SMURF1: variants seen among roughly 807,000 people sequenced by gnomAD.
SMURF1 encodes E3 ubiquitin-protein ligase SMURF1.
SMURF1 carries 44 observed loss-of-function variants against 98.0 expected under a neutral mutation model. The ratio of observed to expected loss-of-function variants is 0.45; its 90% CI spans 0.35 to 0.58. The LOEUF is 0.58. SMURF1 is among the 20% of genes least tolerant of loss of function. The pLI, the probability that SMURF1 is intolerant of heterozygous loss-of-function variation, is 0.00. For synonymous variants in SMURF1, 396 were observed against 374.9 expected (o/e 1.06, Z -0.65); for missense variants, 687 against 938.4 (o/e 0.73, Z 3.50).
chr7:99,040,181 G>A (rs771337533), intron 13 of SMURF1, among the ~76,000 whole-genome samples, 197 bp downstream of exon 13: 2 of 152,150 alleles, frequency 1.3e-5, no homozygotes, highest in East Asian at 1.9e-4. Flanking sequence ...CCAGGCTGGT[G>A]TCGAACTCCT....
At chr7:99,121,225 C>CAAAAAAAAAAAAAAAAAAAAAAA (rs550195057) in intron 1 of SMURF1, 1 of 99,782 alleles carries the variant, frequency 1.0e-5, no homozygotes, top group Non-Finnish European at 2.0e-5. Context: ...AGAGTCAAAG[C>CAAAAAAAAAAAAAAAAAAAAAAA]AAAAAAAAAA....
intron 5 of SMURF1, among the ~76,000 whole-genome samples, chr7:99,055,714 C>A (rs553174588): frequency 5.2e-4 from 79 of 152,156 alleles, no homozygotes; most frequent in African/African-American, 1.4e-3. Flanking sequence ...CCTGTAATAC[C>A]AGCACTCTGG....
intron 1 of SMURF1, among the ~76,000 whole-genome samples, chr7:99,113,255 A>G (rs1193943233): frequency 2.0e-5 from 3 of 152,210 alleles, no homozygotes; most frequent in Non-Finnish European, 2.9e-5. Context: ...ACAAAGACAA[A>G]GAGAGAATCC....
intron 1 of SMURF1, among the ~76,000 whole-genome samples, chr7:99,082,115 C>G (rs1023244033): frequency 3.9e-5 from 6 of 152,208 alleles, no homozygotes; most frequent in Admixed American, 6.5e-5. Context: ...ATCCTTTACC[C>G]ATGTATTAAA....
At chr7:99,124,883 T>C (rs2150629945) in intron 1 of SMURF1, among the ~76,000 whole-genome samples, 1 of 152,310 alleles carries the variant, frequency 6.6e-6, no homozygotes, top group East Asian at 1.9e-4. Flanking sequence ...TTACAGACAC[T>C]TCTCACCTAC....
At chr7:99,068,115 C>G (rs911048204) in intron 1 of SMURF1, among the ~76,000 whole-genome samples, 9 of 152,148 alleles carry the variant, frequency 5.9e-5, no homozygotes, top group African/African-American at 1.9e-4. Context: ...TTATTCCTCT[C>G]TTCTTCTTAT....
intron 17 of SMURF1, among the ~76,000 whole-genome samples, chr7:99,032,113 A>G (rs754814650): frequency 5.3e-5 from 8 of 152,146 alleles, no homozygotes; most frequent in Non-Finnish European, 1.0e-4. Context: ...AAACTATACA[A>G]TTTTCCTTAC....
In SMURF1 at chr7:99,035,501, T is replaced by C. The variant is rs1256954242; in HGVS notation, c.2011+14A>G. The C allele has an allele frequency of 2.5e-6, 4 of 1,613,854 alleles. No homozygotes were observed. The Admixed American group carries it at 6.7e-5, about 27-fold the overall frequency. Reference sequence around the variant, plus strand: ...AGACGCGTCATCGAATAGCCCTGCCTCCACGTCAGTCACCTTGCAAAGCCT... The same window carrying C: ...AGACGCGTCATCGAATAGCCCTGCCCCCACGTCAGTCACCTTGCAAAGCCT... On this transcript the variant is annotated intron_variant, in intron 16 of 17. Transcript: ENST00000361368.
At chr7:99,066,144 C>T (rs1796187976) in intron 1 of SMURF1, among the ~76,000 whole-genome samples, 1 of 152,122 alleles carries the variant, frequency 6.6e-6, no homozygotes, top group Non-Finnish European at 1.5e-5. Flanking sequence ...CTTGTCCAAG[C>T]TCCCAACACA....
chr7:99,097,465 T>C (rs1796979388), intron 1 of SMURF1, among the ~76,000 whole-genome samples: 1 of 152,178 alleles, frequency 6.6e-6, no homozygotes, highest in Non-Finnish European at 1.5e-5. Flanking sequence ...CTCGCATGAA[T>C]GGATTGATGA....
At chr7:99,085,302 G>A (rs1365592163) in intron 1 of SMURF1, among the ~76,000 whole-genome samples, 6 of 144,880 alleles carry the variant, frequency 4.1e-5, no homozygotes, top group Admixed American at 7.2e-5. Context: ...GCAGTGAGTC[G>A]AGATCAAGCC....
intron 1 of SMURF1, among the ~76,000 whole-genome samples, chr7:99,102,166 T>A (rs1248743386): frequency 6.6e-6 from 1 of 152,138 alleles, no homozygotes; most frequent in East Asian, 1.9e-4. Flanking sequence ...TAAAATAGGA[T>A]CCTATACATA....
Position 99,119,841 on chromosome 7 carries a change from C to T in SMURF1, c.55+23885G>A, listed in dbSNP as rs1287445832. ...TAAAATACTCATGGTTATAGTCCAA[C>T]ACCCCATTTTCAACTCTTTTGTCTT... On this transcript the variant is annotated intron_variant, in intron 1 of 17. Coordinates refer to ENST00000361368, the MANE Select transcript of SMURF1 (RefSeq NM_181349.3). 5.3e-5 allele frequency among the ~76,000 whole-genome samples: 8 copies of T among 152,350 alleles called. No individual in the cohort carries two copies. In the East Asian group the frequency reaches 1.5e-3, roughly 29 times the overall value.
intron 1 of SMURF1, among the ~76,000 whole-genome samples, chr7:99,071,593 C>T (rs918018080): frequency 6.6e-6 from 1 of 152,156 alleles, no homozygotes. Flanking sequence ...GAAGACAGGT[C>T]GCACACAGGA....
At position 99,076,993 on chromosome 7, in the gene SMURF1, T is replaced by TA. The variant is rs932552076; in HGVS notation, c.56-15157dup. ...TTGTTCTAAAAAATAATGTCTATAA[T>TA]AAAAAAAAAAACAAAAAAGGTTACA... is the stretch of plus-strand genomic sequence containing the variant. On this transcript the variant is annotated intron_variant, in intron 1 of 17. Transcript: ENST00000361368. Among the ~76,000 whole-genome samples, 1,297 of 138,024 alleles carry TA rather than the reference T, an allele frequency of 9.4e-3. 12 individuals are homozygous for TA. The highest frequency in any genetic ancestry group is 0.031 in the African/African-American group (1,104 of 35,962). The allele number at this position is 138,024 out of a possible 152,430, so 90.5% of individuals were successfully genotyped here.
At chr7:99,135,396 G>C (rs1797966850) in intron 1 of SMURF1, among the ~76,000 whole-genome samples, 1 of 152,032 alleles carries the variant, frequency 6.6e-6, no homozygotes, top group Non-Finnish European at 1.5e-5. Context: ...TCTCTTCAAA[G>C]GAAATCAACA....
chr7:99,051,286 C>G (rs544478086), intron 8 of SMURF1, 71 bp downstream of exon 8: 2 of 1,184,324 alleles, frequency 1.7e-6, no homozygotes, highest in South Asian at 1.2e-5. Context: ...AGCAACACAT[C>G]TGGAAGGTAT....
chr7:99,127,944 T>C (rs1797782266), intron 1 of SMURF1, among the ~76,000 whole-genome samples: 1 of 152,224 alleles, frequency 6.6e-6, no homozygotes, highest in African/African-American at 2.4e-5. Context: ...ACTGTCTCCT[T>C]TTGAGAATAA....
chr7:99,100,584 T>A (rs1312809105), intron 1 of SMURF1, among the ~76,000 whole-genome samples: 1 of 151,944 alleles, frequency 6.6e-6, no homozygotes, highest in African/African-American at 2.4e-5. Context: ...AAAATAAAAA[T>A]AAAAATGCAG....
Sources: gnomAD v4.1 joint callset for allele counts (sites outside exome capture counted in the v4.1 genomes callset) on GRCh38, gnomAD v4.1.1 for gene constraint, MANE v1.5 for transcripts, NCBI Gene and HGNC (gene_info 2026-07-23, HGNC 2026-07-21) for gene names.